Variants in MIPEP observed in about 807,000 individuals in gnomAD.
MIPEP encodes the protein mitochondrial intermediate peptidase.
Under a neutral mutation model 90.3 loss-of-function variants are expected in MIPEP, and 79 were observed. The observed-to-expected ratio is 0.87, with a 90% CI of 0.73 to 1.05. MIPEP has a LOEUF of 1.05. Among genes scored for constraint, MIPEP ranks in the 50% least tolerant of loss-of-function variants. The probability of loss-of-function intolerance (pLI) is 0.00; values close to 1 mark genes in which losing one functional copy is unlikely to be tolerated. For synonymous variants in MIPEP, 334 were observed against 315.8 expected (o/e 1.06, Z -0.61); for missense variants, 940 against 905.6 (o/e 1.04, Z -0.49).
At chr13:23,812,565 A>G (rs1953187381) in intron 14 of MIPEP, among the ~76,000 whole-genome samples, 1 of 152,048 alleles carries the variant, frequency 6.6e-6, no homozygotes, top group Non-Finnish European at 1.5e-5. Context: ...TGGAAACTTG[A>G]GTTCCAGACC....
chr13:23,860,745 T>A (rs1393841169), intron 9 of MIPEP, among the ~76,000 whole-genome samples: 5 of 152,172 alleles, frequency 3.3e-5, no homozygotes, highest in Non-Finnish European at 7.3e-5. Flanking sequence ...GCTAAATACA[T>A]GGCTAAACTG....
At chr13:23,874,769 C>A (rs1870986687) in intron 5 of MIPEP, 77 bp downstream of exon 5, 1 of 1,245,622 alleles carries the variant, frequency 8.0e-7, no homozygotes, top group East Asian at 2.5e-5. Context: ...GCAATATATA[C>A]AAGGACTGTA....
At chr13:23,815,870 A>C (rs1953228335) in intron 14 of MIPEP, among the ~76,000 whole-genome samples, 1 of 151,760 alleles carries the variant, frequency 6.6e-6, no homozygotes. Context: ...ACTGGTTATC[A>C]AACAATGAGT....
At chr13:23,836,471 CA>C in intron 13 of MIPEP, 122 bp from the exon 14 acceptor site, 1 of 483,542 alleles carries the variant, frequency 2.1e-6, no homozygotes, top group Admixed American at 4.1e-5. Flanking sequence ...TTCATTAAAT[CA>C]ATATTTTTCT....
chr13:23,757,287 G>A (rs1471248809), intron 17 of MIPEP, among the ~76,000 whole-genome samples: 4 of 151,802 alleles, frequency 2.6e-5, no homozygotes, highest in Non-Finnish European at 5.9e-5. Flanking sequence ...AGAATCTAAT[G>A]CTGCCACTAA....
intron 16 of MIPEP, among the ~76,000 whole-genome samples, chr13:23,771,548 CA>C (rs549666957): frequency 1.1e-3 from 164 of 151,838 alleles, no homozygotes; most frequent in African/African-American, 3.7e-3. Context: ...CACACACACA[CA>C]CACACACACA....
chr13:23,783,553 C>T (rs1952804489), intron 16 of MIPEP, among the ~76,000 whole-genome samples: 1 of 152,152 alleles, frequency 6.6e-6, no homozygotes, highest in African/African-American at 2.4e-5. Context: ...AACAGGGATG[C>T]CCCCTCTCAC....
chr13:23,849,088 C>A (rs540128156), intron 10 of MIPEP, among the ~76,000 whole-genome samples: 1 of 152,306 alleles, frequency 6.6e-6, no homozygotes, highest in African/African-American at 2.4e-5. Flanking sequence ...CCAGTACAGC[C>A]CTCCACGCCA....
At chr13:23,747,181 C>T (rs558923486) in intron 18 of MIPEP, among the ~76,000 whole-genome samples, 1 of 152,304 alleles carries the variant, frequency 6.6e-6, no homozygotes, top group African/African-American at 2.4e-5. Flanking sequence ...CCCACCAGAG[C>T]AGTGTTTGGT....
At chr13:23,730,826 T>C (rs958570267) in intron 18 of MIPEP, among the ~76,000 whole-genome samples, 1 of 152,234 alleles carries the variant, frequency 6.6e-6, no homozygotes, top group Non-Finnish European at 1.5e-5. Context: ...CAAGTTTTGT[T>C]ATCAAGTTCT....
chr13:23,854,967 A>T (rs1869987218), intron 10 of MIPEP, among the ~76,000 whole-genome samples: 1 of 152,146 alleles, frequency 6.6e-6, no homozygotes, highest in Non-Finnish European at 1.5e-5. Context: ...ACTGAAACTC[A>T]TTACTCACAG....
chr13:23,822,606 G>T (rs953216397), intron 14 of MIPEP, among the ~76,000 whole-genome samples: 1 of 152,202 alleles, frequency 6.6e-6, no homozygotes, highest in Non-Finnish European at 1.5e-5. Context: ...ACACTAGGGA[G>T]TGGGGGCCCC....
At chr13:23,886,087 T>C (rs1431808504) in intron 2 of MIPEP, among the ~76,000 whole-genome samples, 1 of 152,012 alleles carries the variant, frequency 6.6e-6, no homozygotes, top group Admixed American at 6.6e-5. Context: ...ATTCATTATA[T>C]ATTACATGTA....
intron 14 of MIPEP, among the ~76,000 whole-genome samples, chr13:23,818,878 T>C (rs576954916): frequency 6.6e-6 from 1 of 152,342 alleles, no homozygotes; most frequent in Non-Finnish European, 1.5e-5. Context: ...TGAGTAGTGG[T>C]CTAGATCCCT....
intron 18 of MIPEP, among the ~76,000 whole-genome samples, chr13:23,751,127 GTAGA>G: frequency 6.6e-6 from 1 of 152,320 alleles, no homozygotes; most frequent in African/African-American, 2.4e-5. Flanking sequence ...AAAGAAACTA[GTAGA>G]TAGATATCTT....
chr13:23,865,326 T>A (rs1870484625), intron 7 of MIPEP, among the ~76,000 whole-genome samples: 1 of 152,218 alleles, frequency 6.6e-6, no homozygotes, highest in Non-Finnish European at 1.5e-5. Context: ...TATCTCCTTT[T>A]GAGTGAAATA....
At chr13:23,770,851 T>A (rs956943679) in intron 16 of MIPEP, among the ~76,000 whole-genome samples, 1 of 152,216 alleles carries the variant, frequency 6.6e-6, no homozygotes, top group African/African-American at 2.4e-5. Context: ...GGAGAGGCTG[T>A]CCTAACTTCA....
intron 16 of MIPEP, among the ~76,000 whole-genome samples, chr13:23,789,097 T>C (rs1358027271): frequency 1.3e-5 from 2 of 152,230 alleles, no homozygotes; most frequent in Non-Finnish European, 2.9e-5. Flanking sequence ...TGTGAGCCAT[T>C]GCACCTGGCC....
chr13:23,778,642 C>T (rs1014228239), intron 16 of MIPEP, among the ~76,000 whole-genome samples: 1 of 152,042 alleles, frequency 6.6e-6, no homozygotes, highest in Non-Finnish European at 1.5e-5. Context: ...TTATACATAC[C>T]ATTTTTATCA....
Sources: allele counts gnomAD v4.1 joint callset (sites outside exome capture counted in the v4.1 genomes callset), GRCh38; gene constraint gnomAD v4.1.1; transcripts MANE v1.5; gene names NCBI Gene and HGNC (gene_info 2026-07-23, HGNC 2026-07-21).